The following MRO variants were observed in gnomAD, a reference collection of about 807,000 sequenced individuals.
The protein encoded by MRO is protein maestro.
Under a neutral mutation model 31.0 loss-of-function variants are expected in MRO, and 28 were observed. That is an observed-to-expected ratio of 0.90 (90% CI 0.67 to 1.24). MRO has a LOEUF of 1.24. MRO is among the 50% of genes most tolerant of loss of function. MRO has a pLI of 0.00. For missense variants in MRO, 332 were observed against 289.2 expected (o/e 1.15, Z -1.07); for synonymous variants, 108 against 108.4 (o/e 1.00, Z 0.02).
At position 50,797,158 on chromosome 18, in the gene MRO, G is replaced by A. The variant is rs1419402115; in HGVS notation, c.*2179C>T. On this transcript the variant is annotated 3_prime_UTR_variant, in exon 8 of 8. Coordinates refer to ENST00000398439, the MANE Select transcript of MRO (RefSeq NM_031939.6). ...GAGACGCTCGTCTCTTTTCCGTATGGTGTCAGCTGGAGTAGCTTCAACAGC... is the reference window on the plus strand; with the variant it reads ...GAGACGCTCGTCTCTTTTCCGTATGATGTCAGCTGGAGTAGCTTCAACAGC... 1 of 152,214 alleles carries A rather than the reference G, an allele frequency of 6.6e-6. No individual in the cohort carries two copies. The highest frequency in any genetic ancestry group is 1.5e-5 in the Non-Finnish European group (1 of 68,048). The allele number at this position is 152,214 out of a possible 1,614,324, so 9.4% of individuals were successfully genotyped here.
intron 2 of MRO, among the ~76,000 whole-genome samples, chr18:50,810,606 G>A (rs532639885): frequency 5.4e-4 from 82 of 152,260 alleles, no homozygotes; most frequent in African/African-American, 1.9e-3. Context: ...TTTACCATGC[G>A]CATGTATTAT....
chr18:50,807,039 G>C (rs1392840694), intron 3 of MRO, among the ~76,000 whole-genome samples, 189 bp from the exon 4 acceptor site: 4 of 152,130 alleles, frequency 2.6e-5, no homozygotes, highest in Non-Finnish European at 4.4e-5. Context: ...GAAATTGATG[G>C]AGAAAGAGGG....
chr18:50,819,988 T>C lies in MRO; in HGVS notation c.-218A>G. On this transcript the variant is annotated 5_prime_UTR_variant, in exon 1 of 8. Transcript: ENST00000398439. ...CCTCATGCCAGCCTGGTCGACACTT[T>C]CTGCAGAAATTCTGCAGATGGCAAT... 1 of 1,549,578 alleles carries C rather than the reference T, an allele frequency of 6.5e-7. No homozygotes were observed. The highest frequency in any genetic ancestry group is 1.2e-5 in the South Asian group (1 of 84,010).
At chr18:50,809,165 AAAAAAAAAC>A in intron 3 of MRO, 128 bp downstream of exon 3, 1 of 322,844 alleles carries the variant, frequency 3.1e-6, no homozygotes. Context: ...AAAAAAAAAA[AAAAAAAAAC>A]TGTCATCAAA....
At chr18:50,814,371 A>C (rs1349235037) in intron 2 of MRO, 2 of 152,450 alleles carry the variant, frequency 1.3e-5, no homozygotes, top group African/African-American at 2.4e-5. Flanking sequence ...GCAGCCAGTG[A>C]AGGTGGGGGC....
Position 50,797,301 on chromosome 18 carries a change from G to A in MRO, c.*2036C>T, listed in dbSNP as rs1912871828. On this transcript the variant is annotated 3_prime_UTR_variant, in exon 8 of 8. Coordinates refer to ENST00000398439, the MANE Select transcript of MRO (RefSeq NM_031939.6). Reference sequence around the variant, plus strand: ...TCTCAGGCACTCTCATTTGTTCCTGGTAGTTCAACTCCTTATGTGGCAGCT... The same window carrying A: ...TCTCAGGCACTCTCATTTGTTCCTGATAGTTCAACTCCTTATGTGGCAGCT... 1 of 152,206 alleles carries A rather than the reference G, an allele frequency of 6.6e-6. No individual in the cohort carries two copies. Among genetic ancestry groups the A allele is most frequent in the African/African-American group, 2.4e-5 (1 of 41,430 alleles). The allele number at this position is 152,206 out of a possible 1,614,324, so 9.4% of individuals were successfully genotyped here.
rs1180627825 is a variant in MRO at position 50,801,404 on chromosome 18, T to G, written c.530A>C (p.Gln177Pro). The stretch of plus-strand genomic sequence containing the variant: ...ATGGATCAGGAGGGAATCTCGTGTC[T>G]GCTTAACCTGACTGGTGAAAAATTT... ...WKKFFTSQVK[Q>P]TRDSLLIHLQ... The change falls in exon 6 of 8, where the codon CAG (glutamine) becomes CCG (proline). Residue 177 changes from glutamine (Q) to proline (P), a missense_variant. By Grantham distance (76) the Gln-to-Pro change is moderately conservative. Coordinates refer to ENST00000398439, the MANE Select transcript of MRO (RefSeq NM_031939.6). 2 of 1,611,032 alleles carry G rather than the reference T, an allele frequency of 1.2e-6. No homozygotes were observed. The highest frequency in any genetic ancestry group is 1.7e-6 in the Non-Finnish European group (2 of 1,178,026).
chr18:50,813,132 CT>C (rs1914607354), intron 2 of MRO, among the ~76,000 whole-genome samples: 1 of 152,184 alleles, frequency 6.6e-6, no homozygotes, highest in Non-Finnish European at 1.5e-5. Context: ...CTCGGTTTCT[CT>C]GCCATCCTTG....
chr18:50,799,311 A>G lies in MRO; in HGVS notation c.*26T>C, dbSNP rs1431389897. 6.2e-7 allele frequency: 1 copy of G among 1,602,402 alleles called. No individual in the cohort carries two copies. The highest frequency in any genetic ancestry group is 8.6e-7 in the Non-Finnish European group (1 of 1,169,274). The stretch of plus-strand genomic sequence containing the variant: ...TGATGGCTCAGCAATGCACTCATAC[A>G]GAACCATTTCCCTGCTGCTCTGCGC... On this transcript the variant is annotated 3_prime_UTR_variant, in exon 8 of 8. Transcript: ENST00000398439.
At chr18:50,818,990 T>A (rs542500024) in intron 2 of MRO, among the ~76,000 whole-genome samples, 1 of 152,086 alleles carries the variant, frequency 6.6e-6, no homozygotes, top group East Asian at 1.9e-4. Context: ...GAGACAGAGG[T>A]TGCAGTGAGC....
At chr18:50,809,243 T>TA (rs772226884) in intron 3 of MRO, 59 bp downstream of exon 3, 3 of 1,257,404 alleles carry the variant, frequency 2.4e-6, no homozygotes, top group Non-Finnish European at 3.3e-6. Flanking sequence ...CAAGCAAACA[T>TA]ACATCTTACA....
intron 3 of MRO, among the ~76,000 whole-genome samples, chr18:50,809,095 G>A (rs868715892): frequency 6.4e-5 from 9 of 139,744 alleles, no homozygotes; most frequent in South Asian, 2.3e-4. Flanking sequence ...CCCAGATTGC[G>A]CCACTGCAGT....
At chr18:50,822,342 T>G (rs1915332704), upstream of MRO, among the ~76,000 whole-genome samples, 1 of 152,246 alleles carries the variant, frequency 6.6e-6, no homozygotes, top group African/African-American at 2.4e-5. Context: ...TTTTAGTTTA[T>G]TTTATTTTAT....
intron 2 of MRO, among the ~76,000 whole-genome samples, chr18:50,810,605 C>T (rs9960159): frequency 0.027 from 4,058 of 152,212 alleles, 167 homozygotes; most frequent in African/African-American, 0.092. Flanking sequence ...TTTTACCATG[C>T]GCATGTATTA....
In MRO at chr18:50,802,424, A is replaced by C. The variant is rs533552974; in HGVS notation, c.430-920T>G. 2.6e-5 allele frequency among the ~76,000 whole-genome samples: 4 copies of C among 152,308 alleles called. No homozygotes were observed. In the East Asian group the frequency reaches 7.7e-4, roughly 29 times the overall value. ...AGGTGAGGAGACCAAGGCCCAAGGC[A>C]CTTAAGGAACTTGCCCAAAATCACA... On this transcript the variant is annotated intron_variant, in intron 5 of 7. Transcript: ENST00000398439.
chr18:50,801,251 T>C, intron 6 of MRO, 98 bp downstream of exon 6: 1 of 1,073,468 alleles, frequency 9.3e-7, no homozygotes, highest in East Asian at 2.4e-5. Flanking sequence ...TCTACAGCAG[T>C]GCTGGCAGGA....
In MRO at chr18:50,795,563, T is replaced by C. The variant is rs1317507257; in HGVS notation, c.*3774A>G. ...CTTCTGCTCTCATTCAGTAGCAGAA[T>C]TGGTCACACCTGTTAGATTCTCAGC... On this transcript the variant is annotated 3_prime_UTR_variant, in exon 8 of 8. Coordinates refer to ENST00000398439, the MANE Select transcript of MRO (RefSeq NM_031939.6). 4 of 152,220 alleles carry C rather than the reference T, an allele frequency of 2.6e-5. No homozygotes were observed. Among genetic ancestry groups the C allele is most frequent in the African/African-American group, 7.2e-5 (3 of 41,446 alleles). 9.4% of individuals were successfully genotyped at this position (152,220 alleles called of 1,614,324 possible). A position where few individuals can be genotyped will look rare whatever the true frequency, so the allele number is the denominator to read the frequency against.
chr18:50,807,647 AG>A (rs1233113239), intron 3 of MRO, among the ~76,000 whole-genome samples: 2 of 152,282 alleles, frequency 1.3e-5, no homozygotes, highest in Admixed American at 6.5e-5. Flanking sequence ...GCACTGATGT[AG>A]TACACATCTA....
upstream of MRO, among the ~76,000 whole-genome samples, chr18:50,824,385 A>C (rs1915422509): frequency 6.6e-6 from 1 of 151,904 alleles, no homozygotes. Context: ...AGGCTAAAGT[A>C]AGCCATGATC....
Sources: allele counts gnomAD v4.1 joint callset (sites outside exome capture counted in the v4.1 genomes callset), GRCh38; gene constraint gnomAD v4.1.1; transcripts MANE v1.5; gene names NCBI Gene and HGNC (gene_info 2026-07-23, HGNC 2026-07-21).